The following DNAJC15 variants were observed in gnomAD, a reference collection of about 807,000 sequenced individuals.
DNAJC15 encodes the protein DnaJ heat shock protein family (Hsp40) member C15.
DNAJC15 carries 27 observed loss-of-function variants against 22.4 expected under a neutral mutation model. That is an observed-to-expected ratio of 1.20 (90% CI 0.89 to 1.66). DNAJC15 has a LOEUF of 1.66. DNAJC15 is among the 40% of genes most tolerant of loss of function. DNAJC15 has a pLI of 0.00. For synonymous variants in DNAJC15, 79 were observed against 63.2 expected, an observed-to-expected ratio of 1.25 and a Z score of -1.19; for missense variants, 208 against 187.1, an observed-to-expected ratio of 1.11 and a Z score of -0.65.
At chr13:43,078,126 T>TC (rs772703457) in intron 3 of DNAJC15, among the ~76,000 whole-genome samples, 2 of 152,172 alleles carry the variant, frequency 1.3e-5, no homozygotes, top group African/African-American at 2.4e-5. Context: ...TTCACGCCTC[T>TC]CCAGCAGCAT....
At chr13:43,079,530 A>T (rs2040651971) in intron 4 of DNAJC15, among the ~76,000 whole-genome samples, 1 of 151,976 alleles carries the variant, frequency 6.6e-6, no homozygotes, top group Non-Finnish European at 1.5e-5. Context: ...CTTAGATGAG[A>T]TCTCTCCTTA....
chr13:43,066,429 C>T (rs1332619039), intron 2 of DNAJC15, among the ~76,000 whole-genome samples: 2 of 152,038 alleles, frequency 1.3e-5, no homozygotes, highest in African/African-American at 4.8e-5. Context: ...GACTGTCACT[C>T]TCCTCCTTCT....
intron 4 of DNAJC15, among the ~76,000 whole-genome samples, chr13:43,083,173 T>C (rs1289011275): frequency 6.6e-6 from 1 of 152,058 alleles, no homozygotes; most frequent in African/African-American, 2.4e-5. Flanking sequence ...ATTTCTTTTT[T>C]TTGTTTTTTT....
intron 3 of DNAJC15, among the ~76,000 whole-genome samples, chr13:43,076,986 C>A (rs1029575870): frequency 6.6e-6 from 1 of 152,198 alleles, no homozygotes; most frequent in Non-Finnish European, 1.5e-5. Context: ...CTCTCCATTT[C>A]TATACCACAA....
intron 3 of DNAJC15, 137 bp downstream of exon 3, chr13:43,069,140 T>G: frequency 4.0e-6 from 3 of 745,878 alleles, no homozygotes; most frequent in Non-Finnish European, 6.2e-6. Context: ...ATTGGTGAGT[T>G]TGTCTAATTT....
intron 1 of DNAJC15, among the ~76,000 whole-genome samples, chr13:43,033,623 T>C (rs950459705): frequency 6.6e-6 from 1 of 152,190 alleles, no homozygotes; most frequent in Non-Finnish European, 1.5e-5. Context: ...TTGACAGGTT[T>C]GAGGCTTACT....
At chr13:43,095,781 A>G (rs141032978) in intron 5 of DNAJC15, among the ~76,000 whole-genome samples, 94 of 152,334 alleles carry the variant, frequency 6.2e-4, no homozygotes, top group Admixed American at 1.2e-3. Context: ...AACCATTAAA[A>G]TAAGGATAGA....
intron 1 of DNAJC15, among the ~76,000 whole-genome samples, chr13:43,060,487 T>G (rs893102797): frequency 6.6e-6 from 1 of 152,122 alleles, no homozygotes; most frequent in Non-Finnish European, 1.5e-5. Flanking sequence ...GGGTTCAACG[T>G]TATTGTTTGC....
At chr13:43,056,776 T>G (rs2040533584) in intron 1 of DNAJC15, among the ~76,000 whole-genome samples, 1 of 152,206 alleles carries the variant, frequency 6.6e-6, no homozygotes, top group Non-Finnish European at 1.5e-5. Context: ...CCTCTTTGTG[T>G]TTTTTAACTG....
At chr13:43,058,881 G>GT (rs2040543756) in intron 1 of DNAJC15, among the ~76,000 whole-genome samples, 1 of 152,160 alleles carries the variant, frequency 6.6e-6, no homozygotes, top group Non-Finnish European at 1.5e-5. Context: ...AAATCCTACT[G>GT]TTTCCTGGAT....
At chr13:43,050,687 GTT>G (rs2040498833) in intron 1 of DNAJC15, among the ~76,000 whole-genome samples, 1 of 152,048 alleles carries the variant, frequency 6.6e-6, no homozygotes, top group South Asian at 2.1e-4. Context: ...TGCTCAAAAA[GTT>G]TTATTTTAAT....
chr13:43,081,262 G>T lies in DNAJC15; in HGVS notation c.311+2574G>T, dbSNP rs141978629. Among the ~76,000 whole-genome samples the T allele has an allele frequency of 1.1e-3, 167 of 152,108 alleles. 2 individuals are homozygous for T. The East Asian group carries it at 0.019, about 17-fold the overall frequency. ...AGTCCTCACTTAATATCACCCATGG[G>T]TTCTTGTAAACTGTGACTTTAAACA... On this transcript the variant is annotated intron_variant, in intron 4 of 5. Transcript: ENST00000379221.
intron 5 of DNAJC15, among the ~76,000 whole-genome samples, chr13:43,097,145 A>T (rs2040743661): frequency 6.6e-6 from 1 of 152,234 alleles, no homozygotes; most frequent in Admixed American, 6.5e-5. Flanking sequence ...AGCATGAGGT[A>T]GAGAATGGCA....
At chr13:43,081,969 A>G (rs1290395271) in intron 4 of DNAJC15, among the ~76,000 whole-genome samples, 29 of 152,242 alleles carry the variant, frequency 1.9e-4, no homozygotes. Context: ...GAGCATGTGT[A>G]GGGGAATTGC....
chr13:43,036,312 G>A (rs562171899), intron 1 of DNAJC15, among the ~76,000 whole-genome samples: 15 of 151,830 alleles, frequency 9.9e-5, no homozygotes, highest in South Asian at 2.1e-4. Context: ...ACTACGGGTC[G>A]CACCACCACA....
At chr13:43,065,121 T>C (rs2153440820) in intron 1 of DNAJC15, among the ~76,000 whole-genome samples, 1 of 152,360 alleles carries the variant, frequency 6.6e-6, no homozygotes, top group Non-Finnish European at 1.5e-5. Context: ...AAATAAATTA[T>C]CATCAGAATT....
intron 5 of DNAJC15, among the ~76,000 whole-genome samples, chr13:43,092,822 G>C (rs1490429749): frequency 1.3e-5 from 2 of 152,178 alleles, no homozygotes; most frequent in Non-Finnish European, 2.9e-5. Flanking sequence ...GCTGAGGTGG[G>C]AGGATTGCTT....
chr13:43,099,499 CTG>C (rs1433607950), intron 5 of DNAJC15, among the ~76,000 whole-genome samples: 1 of 152,216 alleles, frequency 6.6e-6, no homozygotes, highest in African/African-American at 2.4e-5. Context: ...CTCATTCAAT[CTG>C]TGGGTTTTTT....
At chr13:43,095,765 T>G (rs765822803) in intron 5 of DNAJC15, among the ~76,000 whole-genome samples, 1 of 152,196 alleles carries the variant, frequency 6.6e-6, no homozygotes, top group Non-Finnish European at 1.5e-5. Flanking sequence ...TGAATGCTGC[T>G]ATGAGAACCA....
Sources: allele counts gnomAD v4.1 joint callset (sites outside exome capture counted in the v4.1 genomes callset), GRCh38; gene constraint gnomAD v4.1.1; transcripts MANE v1.5; gene names NCBI Gene and HGNC (gene_info 2026-07-23, HGNC 2026-07-21).